The following PTH2R variants were observed in gnomAD, a reference collection of about 807,000 sequenced individuals.
The protein encoded by PTH2R is PTH2 receptor.
Under a neutral mutation model 60.3 loss-of-function variants are expected in PTH2R, and 59 were observed. That is an observed-to-expected ratio of 0.98 (90% CI 0.79 to 1.22). PTH2R has a LOEUF of 1.22. Ranked by LOEUF, PTH2R falls within the 50% of genes most tolerant of loss-of-function variation. The pLI, the probability that PTH2R is intolerant of heterozygous loss-of-function variation, is 0.00. For missense variants in PTH2R, 749 were observed against 682.6 expected (o/e 1.10, Z -1.08); for synonymous variants, 256 against 243.8 (o/e 1.05, Z -0.47).
At chr2:208,414,320 A>C (rs1369187574) in intron 1 of PTH2R, among the ~76,000 whole-genome samples, 1 of 152,190 alleles carries the variant, frequency 6.6e-6, no homozygotes, top group Non-Finnish European at 1.5e-5. Flanking sequence ...ATATAATAAA[A>C]GTTTAATATA....
chr2:208,493,687 G>A lies in PTH2R; in HGVS notation c.*28G>A, dbSNP rs776003319. The A allele has an allele frequency of 1.1e-5, 17 of 1,522,650 alleles. No individual in the cohort carries two copies. In the South Asian group the frequency reaches 2.2e-4, roughly 20 times the overall value. The allele number at this position is 1,522,650 out of a possible 1,614,324, so 94.3% of individuals were successfully genotyped here. A position where few individuals can be genotyped will look rare whatever the true frequency, so the allele number is the denominator to read the frequency against. ...GGACATTTGTGGCTGACTTTCATGG[G>A]CTGGTCCAATGGCTGGTTGTGTGAG... On this transcript the variant is annotated 3_prime_UTR_variant, in exon 13 of 13. Coordinates refer to ENST00000272847, the MANE Select transcript of PTH2R (RefSeq NM_005048.4).
intron 1 of PTH2R, among the ~76,000 whole-genome samples, chr2:208,388,038 G>C (rs1163056155): frequency 6.6e-6 from 1 of 151,934 alleles, no homozygotes; most frequent in African/African-American, 2.4e-5. Context: ...AGCCGGGCGC[G>C]GTGGCTCACA....
In PTH2R at chr2:208,482,820, T is replaced by C. The variant is rs1248550936; in HGVS notation, c.1076+1656T>C. ...GACAGGCACCCCCCATGCGTCCGTT[T>C]ATAGGCTCTCCACAAGGGTCGCTTT... On this transcript the variant is annotated intron_variant, in intron 10 of 12. Coordinates refer to ENST00000272847, the MANE Select transcript of PTH2R (RefSeq NM_005048.4). Among the ~76,000 whole-genome samples the C allele has an allele frequency of 2.6e-5, 4 of 152,250 alleles. No homozygotes were observed. The South Asian group carries it at 6.2e-4, about 24-fold the overall frequency.
At chr2:208,365,948 ATATATATATATATTTTTTTTTTTTTTTTT>A (rs1411414619) in intron 1 of PTH2R, among the ~76,000 whole-genome samples, 24 of 15,512 alleles carry the variant, frequency 1.5e-3, no homozygotes, top group African/African-American at 4.7e-3. Context: ...ATATATATAT[ATATATATATATATTTTTTTTTTTTTTTTT>A]TTTTTTTTTT....
chr2:208,419,582 A>T (rs989508173), intron 1 of PTH2R, among the ~76,000 whole-genome samples: 18 of 152,248 alleles, frequency 1.2e-4, no homozygotes, highest in Non-Finnish European at 1.8e-4. Flanking sequence ...GGTGTTTTAG[A>T]CATGAAGTCC....
intron 12 of PTH2R, 40 bp downstream of exon 12, chr2:208,490,720 T>A (rs764501893): frequency 6.4e-7 from 1 of 1,563,630 alleles, no homozygotes; most frequent in Non-Finnish European, 8.6e-7. Context: ...CGCTTCAGCT[T>A]GTAAATGGCC....
chr2:208,401,546 CTGTGTATTT>C (rs941849578), intron 1 of PTH2R, among the ~76,000 whole-genome samples: 4 of 151,944 alleles, frequency 2.6e-5, no homozygotes, highest in African/African-American at 9.7e-5. Context: ...TTATTCCTTC[CTGTGTATTT>C]TTTTTAAACT....
At chr2:208,377,374 A>T (rs1023820075) in intron 1 of PTH2R, among the ~76,000 whole-genome samples, 5 of 152,118 alleles carry the variant, frequency 3.3e-5, no homozygotes, top group Admixed American at 3.3e-4. Context: ...CCCGTTCTCA[A>T]TGAGCTGTTG....
intron 1 of PTH2R, among the ~76,000 whole-genome samples, chr2:208,411,239 G>C (rs1701533927): frequency 6.6e-6 from 1 of 152,196 alleles, no homozygotes; most frequent in South Asian, 2.1e-4. Flanking sequence ...CTCCAAAGTG[G>C]AAACTAGGGA....
At chr2:208,364,712 A>G (rs191180676) in intron 1 of PTH2R, among the ~76,000 whole-genome samples, 1 of 152,278 alleles carries the variant, frequency 6.6e-6, no homozygotes, top group East Asian at 1.9e-4. Context: ...AACAAATGCT[A>G]TTGGAATTTT....
intron 4 of PTH2R, among the ~76,000 whole-genome samples, chr2:208,441,537 C>A (rs1000465724): frequency 6.6e-6 from 1 of 152,210 alleles, no homozygotes; most frequent in African/African-American, 2.4e-5. Flanking sequence ...TTTGTCCAAT[C>A]ACATTTCTAC....
chr2:208,421,209 A>G (rs1226494086), intron 1 of PTH2R, among the ~76,000 whole-genome samples: 1 of 152,148 alleles, frequency 6.6e-6, no homozygotes, highest in African/African-American at 2.4e-5. Context: ...TTCTTAAATC[A>G]TTTTCAGTTT....
chr2:208,401,463 G>A lies in PTH2R; in HGVS notation c.-258-26738G>A, dbSNP rs866572873. Reference sequence around the variant, plus strand: ...CAAAAAGGTTTTTTTTTTTTGCCCCGTCATTCCTTTTACCTTCCAAACCGC... The same window carrying A: ...CAAAAAGGTTTTTTTTTTTTGCCCCATCATTCCTTTTACCTTCCAAACCGC... On this transcript the variant is annotated intron_variant, in intron 1 of 12. Coordinates refer to the PTH2R transcript ENST00000617735. Among the ~76,000 whole-genome samples, 22 of 148,614 alleles carry A rather than the reference G, an allele frequency of 1.5e-4. No individual in the cohort carries two copies. The South Asian group carries it at 2.1e-3, about 14-fold the overall frequency.
intron 1 of PTH2R, among the ~76,000 whole-genome samples, chr2:208,384,837 G>A (rs893478213): frequency 9.9e-5 from 15 of 152,274 alleles, no homozygotes; most frequent in East Asian, 7.7e-4. Context: ...GTAAAGTCAC[G>A]GAAGTGCTGC....
intron 1 of PTH2R, among the ~76,000 whole-genome samples, chr2:208,391,378 A>G (rs1316177539): frequency 2.6e-5 from 4 of 152,140 alleles, no homozygotes; most frequent in Non-Finnish European, 5.9e-5. Flanking sequence ...TTCTTGGGAT[A>G]ATTTTCTGAG....
At chr2:208,379,176 T>C (rs974589148) in intron 1 of PTH2R, among the ~76,000 whole-genome samples, 1 of 152,198 alleles carries the variant, frequency 6.6e-6, no homozygotes, top group East Asian at 1.9e-4. Context: ...TGGCTGGGAC[T>C]TAATAATTTT....
intron 2 of PTH2R, among the ~76,000 whole-genome samples, chr2:208,429,257 T>C (rs1252330313): frequency 6.6e-6 from 1 of 152,152 alleles, no homozygotes; most frequent in Non-Finnish European, 1.5e-5. Context: ...TCTGCATCCA[T>C]AATGATTTTT....
rs1416660125 is a variant in PTH2R at position 208,473,958 on chromosome 2, T to C, written c.982-7112T>C. Among the ~76,000 whole-genome samples, 45 of 152,176 alleles carry C rather than the reference T, an allele frequency of 3.0e-4. 3 individuals are homozygous for C. Among genetic ancestry groups the C allele is most frequent in the Admixed American group, 2.3e-3 (35 of 15,260 alleles). Reference sequence around the variant, plus strand: ...TGGGGGTATCTTAGATTTTGTTGAGTCTTACTAACTTTACTAGTCTACAAG... The same window carrying C: ...TGGGGGTATCTTAGATTTTGTTGAGCCTTACTAACTTTACTAGTCTACAAG... On this transcript the variant is annotated intron_variant, in intron 9 of 12. Transcript: ENST00000272847.
chr2:208,454,993 C>T (rs755727086), intron 8 of PTH2R, among the ~76,000 whole-genome samples: 2 of 152,178 alleles, frequency 1.3e-5, no homozygotes, highest in Non-Finnish European at 2.9e-5. Flanking sequence ...TAGGTGCAGC[C>T]TTCCTCCTAC....
Sources: gnomAD v4.1 joint callset for allele counts (sites outside exome capture counted in the v4.1 genomes callset) on GRCh38, gnomAD v4.1.1 for gene constraint, MANE v1.5 for transcripts, NCBI Gene and HGNC (gene_info 2026-07-23, HGNC 2026-07-21) for gene names.